Variants in HNRNPLL observed in about 807,000 individuals in gnomAD.
HNRNPLL encodes heterogeneous nuclear ribonucleoprotein L like.
Under a neutral mutation model 67.1 loss-of-function variants are expected in HNRNPLL, and 25 were observed. That is an observed-to-expected ratio of 0.37 (90% confidence interval 0.27 to 0.52). The LOEUF is 0.52. HNRNPLL is among the 20% of genes least tolerant of loss of function. The pLI is 0.90. For missense variants in HNRNPLL, 542 were observed against 673.9 expected, an observed-to-expected ratio of 0.80 and a Z score of 2.17; for synonymous variants, 267 against 241.7, an observed-to-expected ratio of 1.10 and a Z score of -0.97.
chr2:38,569,007 A>C (rs1451819106), intron 10 of HNRNPLL, 126 bp downstream of exon 10: 2 of 700,206 alleles, frequency 2.9e-6, no homozygotes, highest in Non-Finnish European at 5.0e-6. Flanking sequence ...ATCCAGTACC[A>C]AGTAAATAAA....
chr2:38,566,174 C>G (rs1665852760), intron 12 of HNRNPLL: 1 of 693,782 alleles, frequency 1.4e-6, no homozygotes, highest in South Asian at 6.4e-5. Flanking sequence ...TCGAGACCAG[C>G]CTGGCCAACG....
intron 8 of HNRNPLL, among the ~76,000 whole-genome samples, chr2:38,571,205 T>C (rs1173346795): frequency 6.6e-6 from 1 of 152,112 alleles, no homozygotes; most frequent in Non-Finnish European, 1.5e-5. Flanking sequence ...ATAAAGTTTA[T>C]AAATTAGGCA....
At position 38,577,653 on chromosome 2, in the gene HNRNPLL, C is replaced by T; in HGVS notation, c.803-121G>A. 6 of 663,874 alleles carry T rather than the reference C, an allele frequency of 9.0e-6. 1 individual carries two copies. Among genetic ancestry groups the T allele is most frequent in the Middle Eastern group, 2.6e-4 (1 of 3,836 alleles). The allele number at this position is 663,874 out of a possible 1,614,324, so 41.1% of individuals were successfully genotyped here. On this transcript the variant is annotated intron_variant, in intron 6 of 12. Transcript: ENST00000449105. ...ACAATTCATAAAAGAAATACGATTCCTGGTTAACTTTAAACATCCATTCAT... is the reference window on the plus strand; with the variant it reads ...ACAATTCATAAAAGAAATACGATTCTTGGTTAACTTTAAACATCCATTCAT...
chr2:38,598,518 G>A (rs1248707211), intron 1 of HNRNPLL, among the ~76,000 whole-genome samples: 1 of 152,198 alleles, frequency 6.6e-6, no homozygotes, highest in Non-Finnish European at 1.5e-5. Flanking sequence ...AGCCCTGAAA[G>A]TTGTGTTCAA....
intron 3 of HNRNPLL, among the ~76,000 whole-genome samples, chr2:38,585,022 A>G (rs1231920851): frequency 6.6e-6 from 1 of 152,212 alleles, no homozygotes; most frequent in Non-Finnish European, 1.5e-5. Flanking sequence ...TGCCCAGACT[A>G]CATATGATAC....
At position 38,569,259 on chromosome 2, in the gene HNRNPLL, A is replaced by G. The variant is rs751142519; in HGVS notation, c.1290T>C (p.Phe430=). The part of the protein sequence containing the change: ...LEDGTSSYKD[F]AMSKNNRFTS... The stretch of plus-strand genomic sequence containing the variant: ...TAAAGCGATTATTTTTGCTCATTGC[A>G]AAATCTTTGTAGCTGCTGGTACCAT... The change falls in exon 10 of 13, where the codon TTT becomes TTC. Residue 430 remains phenylalanine (F), a synonymous_variant. Coordinates refer to ENST00000449105, the MANE Select transcript of HNRNPLL (RefSeq NM_138394.4). 2 of 1,613,274 alleles carry G rather than the reference A, an allele frequency of 1.2e-6. No homozygotes were observed. Among genetic ancestry groups the G allele is most frequent in the Admixed American group, 1.7e-5 (1 of 59,984 alleles).
At chr2:38,597,226 A>G (rs1377891659) in intron 1 of HNRNPLL, among the ~76,000 whole-genome samples, 1 of 152,122 alleles carries the variant, frequency 6.6e-6, no homozygotes, top group Non-Finnish European at 1.5e-5. Flanking sequence ...TAATCTTTCA[A>G]TTACCGATAT....
At chr2:38,584,993 T>C (rs1666668561) in intron 3 of HNRNPLL, among the ~76,000 whole-genome samples, 1 of 152,118 alleles carries the variant, frequency 6.6e-6, no homozygotes, top group African/African-American at 2.4e-5. Flanking sequence ...ATGCTTTAAG[T>C]TTATGTCCCA....
At chr2:38,597,606 C>T (rs1667249693) in intron 1 of HNRNPLL, among the ~76,000 whole-genome samples, 1 of 152,140 alleles carries the variant, frequency 6.6e-6, no homozygotes, top group African/African-American at 2.4e-5. Context: ...AACTAACTTT[C>T]CTATCCAAAG....
At chr2:38,591,352 G>A (rs114703200) in intron 2 of HNRNPLL, among the ~76,000 whole-genome samples, 178 bp downstream of exon 2, 1,525 of 152,254 alleles carry the variant, frequency 0.01, 32 homozygotes, top group African/African-American at 0.034. Flanking sequence ...ACCCAGGAAG[G>A]TTAAAAATAG....
chr2:38,581,336 C>G (rs1666523693), intron 6 of HNRNPLL: 1 of 152,818 alleles, frequency 6.5e-6, no homozygotes, highest in Non-Finnish European at 1.5e-5. Flanking sequence ...TAAATGGGCA[C>G]AGTCTATCAT....
intron 3 of HNRNPLL, among the ~76,000 whole-genome samples, chr2:38,584,278 C>G (rs1666643388): frequency 6.6e-6 from 1 of 152,104 alleles, no homozygotes; most frequent in Non-Finnish European, 1.5e-5. Context: ...TCCAGGCTGT[C>G]TCAAACTCCT....
At chr2:38,594,486 A>T (rs1032494554) in intron 1 of HNRNPLL, among the ~76,000 whole-genome samples, 5 of 152,194 alleles carry the variant, frequency 3.3e-5, no homozygotes, top group Non-Finnish European at 7.3e-5. Context: ...AAGTATGTAT[A>T]TAAATATAGA....
intron 4 of HNRNPLL, among the ~76,000 whole-genome samples, chr2:38,582,890 AT>A (rs1666589686): frequency 1.3e-5 from 2 of 151,864 alleles, no homozygotes; most frequent in African/African-American, 4.8e-5. Flanking sequence ...AAAAAAAAAA[AT>A]CAAGGGTACC....
intron 12 of HNRNPLL, among the ~76,000 whole-genome samples, chr2:38,565,551 A>C (rs563713757): frequency 1.3e-4 from 20 of 152,026 alleles, no homozygotes; most frequent in Non-Finnish European, 2.4e-4. Context: ...ATGTAAAAAA[A>C]ATTTAAAAAT....
intron 1 of HNRNPLL, 118 bp downstream of exon 1, chr2:38,602,320 C>A (rs1015089216): frequency 9.2e-6 from 9 of 973,786 alleles, no homozygotes; most frequent in Middle Eastern, 6.5e-4. Context: ...TGGGCGCTTC[C>A]CCAAACGGGT....
chr2:38,564,025 C>A lies in HNRNPLL; in HGVS notation c.*157G>T, dbSNP rs948714864. ...GAAAACAATTCAATATTTAAGCTTA[C>A]AACAAATTTACTCAAGGCAAAATAT... On this transcript the variant is annotated 3_prime_UTR_variant, in exon 13 of 13. Transcript: ENST00000449105. 5.0e-6 allele frequency: 3 copies of A among 597,758 alleles called. No homozygotes were observed. The highest frequency in any genetic ancestry group is 1.9e-5 in the African/African-American group (1 of 52,648). The allele number at this position is 597,758 out of a possible 1,614,324, so 37.0% of individuals were successfully genotyped here.
At chr2:38,580,752 G>C (rs1466720271) in intron 6 of HNRNPLL, among the ~76,000 whole-genome samples, 1 of 152,142 alleles carries the variant, frequency 6.6e-6, no homozygotes, top group African/African-American at 2.4e-5. Context: ...ACGAAATCTA[G>C]CACTTATAGG....
chr2:38,568,275 C>T lies in HNRNPLL; in HGVS notation c.1497G>A (p.Gly499=), dbSNP rs759114614. The T allele has an allele frequency of 6.2e-7, 1 of 1,613,466 alleles. No individual in the cohort carries two copies. The highest frequency in any genetic ancestry group is 2.2e-5 in the East Asian group (1 of 44,836). Residue 499 remains glycine, a synonymous_variant, in exon 12 of 13, where the codon GGG becomes GGA. Transcript: ENST00000449105. ...CAGTTTTGCACTCCCATTCTAATAG[C>T]CCAGAAAGTGTTTTGGCTGAAGCTA... ...DAKPSAKTLS[G]LLEWECKTDA... is the part of the protein sequence containing the mutation.
Sources: allele counts gnomAD v4.1 joint callset (sites outside exome capture counted in the v4.1 genomes callset), GRCh38; gene constraint gnomAD v4.1.1; transcripts MANE v1.5; gene names NCBI Gene and HGNC (gene_info 2026-07-23, HGNC 2026-07-21).